ANK2: variants seen among roughly 807,000 people sequenced by gnomAD.
ANK2 encodes ankyrin 2, also known as ankyrin-2.
ANK2 carries 83 observed loss-of-function variants against 360.5 expected under a neutral mutation model. The observed-to-expected ratio is 0.23, with a 90% CI of 0.19 to 0.28. ANK2 has a LOEUF of 0.28. Among genes scored for constraint, ANK2 ranks in the 10% least tolerant of loss-of-function variants. The pLI, the probability that ANK2 is intolerant of heterozygous loss-of-function variation, is 1.00. For missense variants in ANK2, 4,201 were observed against 4,795.7 expected (o/e 0.88, Z 3.66); for synonymous variants, 1,740 against 1,759.5 (o/e 0.99, Z 0.28).
intron 2 of ANK2, among the ~76,000 whole-genome samples, chr4:113,189,309 CCA>C (rs2098608616): frequency 6.6e-6 from 1 of 152,144 alleles, no homozygotes; most frequent in African/African-American, 2.4e-5. Context: ...CTCTCTCTTC[CCA>C]CAGAGTCCAG....
At chr4:113,122,836 A>ATCAT (rs1312652829) in intron 1 of ANK2, among the ~76,000 whole-genome samples, 1 of 151,902 alleles carries the variant, frequency 6.6e-6, no homozygotes, top group Non-Finnish European at 1.5e-5. Flanking sequence ...CTTGGCTAGA[A>ATCAT]TCATTATCTT....
upstream of ANK2, among the ~76,000 whole-genome samples, chr4:112,816,234 G>T (rs2149483954): frequency 1.3e-5 from 2 of 152,246 alleles, no homozygotes. Flanking sequence ...CCACATATCT[G>T]GTGTCAGAGA....
At chr4:112,901,565 C>T (rs1561018748) in intron 1 of ANK2, among the ~76,000 whole-genome samples, 1 of 152,032 alleles carries the variant, frequency 6.6e-6, no homozygotes, top group Non-Finnish European at 1.5e-5. Flanking sequence ...AAAATCCCTG[C>T]CTTAAAAGAA....
chr4:113,289,468 A>T (rs566914672), intron 20 of ANK2, among the ~76,000 whole-genome samples: 1 of 152,078 alleles, frequency 6.6e-6, no homozygotes, highest in Admixed American at 6.5e-5. Flanking sequence ...ACCTTGGCCA[A>T]CCAAAGTGCT....
At chr4:112,937,031 A>G (rs1485747289) in intron 2 of ANK2, among the ~76,000 whole-genome samples, 3 of 152,144 alleles carry the variant, frequency 2.0e-5, no homozygotes. Flanking sequence ...AACTCAAGCA[A>G]TCCTCCCGCC....
intron 1 of ANK2, among the ~76,000 whole-genome samples, chr4:112,834,160 A>G (rs1288758315): frequency 1.3e-5 from 2 of 152,236 alleles, no homozygotes; most frequent in Non-Finnish European, 2.9e-5. Flanking sequence ...ACCCCCAGGT[A>G]GCCATTACCC....
intron 4 of ANK2, among the ~76,000 whole-genome samples, chr4:113,218,056 C>T (rs912691466): frequency 6.6e-6 from 1 of 152,164 alleles, no homozygotes; most frequent in African/African-American, 2.4e-5. Context: ...GATAAAAACC[C>T]ACACTTAGTA....
intron 1 of ANK2, among the ~76,000 whole-genome samples, chr4:113,148,295 T>C (rs2096909192): frequency 1.3e-5 from 2 of 152,228 alleles, no homozygotes; most frequent in South Asian, 2.1e-4. Flanking sequence ...TGTATTTCTA[T>C]TGTGGTTTCC....
At position 113,360,844 on chromosome 4, in the gene ANK2, G is replaced by A. The variant is rs142612379; in HGVS notation, c.10703G>A (p.Arg3568Gln). ...CCAGATCCACAGGATGAGCAGGAAC[G>A]GATCGAGGAAAGGCTGGCTTATATT... ...HAEDPQDEQERIEERLAYIAD... is the reference protein window; with the variant it reads ...HAEDPQDEQEQIEERLAYIAD... The change falls in exon 39 of 46, where the codon CGG becomes CAG. Residue 3568 changes from arginine (R) to glutamine (Q), a missense_variant. Around this residue, in one of 4 missense-constraint regions of ANK2, gnomAD observed 2,642 missense variants for 2,714.5 expected, o/e 0.97. Transcript: ENST00000357077. 5.1e-5 allele frequency: 83 copies of A among 1,612,740 alleles called. No homozygotes were observed. The highest frequency in any genetic ancestry group is 4.4e-4 in the African/African-American group (33 of 74,950).
intron 1 of ANK2, among the ~76,000 whole-genome samples, chr4:112,872,975 T>C (rs2073778715): frequency 6.6e-6 from 1 of 152,170 alleles, no homozygotes; most frequent in East Asian, 1.9e-4. Context: ...AATTTTTCTA[T>C]TTAATCTGAG....
At chr4:113,174,333 A>C in intron 1 of ANK2, 83 bp from the exon 2 acceptor site, 1 of 1,153,306 alleles carries the variant, frequency 8.7e-7, no homozygotes, top group Admixed American at 2.0e-5. Context: ...TTCTGACTTC[A>C]GTGTAAACAT....
chr4:112,957,782 C>T (rs1345634888), intron 2 of ANK2, among the ~76,000 whole-genome samples: 4 of 150,370 alleles, frequency 2.7e-5, no homozygotes, highest in Non-Finnish European at 5.9e-5. Context: ...GGCGGAGGGG[C>T]TCCTCACTTC....
At chr4:112,754,139 AT>A in the ANK2 span, among the ~76,000 whole-genome samples, 7 of 142,848 alleles carry the variant, frequency 4.9e-5, no homozygotes, top group Admixed American at 7.0e-5. Flanking sequence ...ATATATATAT[AT>A]ATATATATAA....
chr4:112,795,011 G>A, the ANK2 span, among the ~76,000 whole-genome samples: 6 of 152,186 alleles, frequency 3.9e-5, no homozygotes, highest in African/African-American at 1.4e-4. Context: ...AGCAACAATA[G>A]CAGTATCTGG....
chr4:112,872,126 A>G (rs1304420111), intron 1 of ANK2, among the ~76,000 whole-genome samples: 1 of 151,528 alleles, frequency 6.6e-6, no homozygotes, highest in Non-Finnish European at 1.5e-5. Context: ...TCCCGGGCTC[A>G]AGGGATCCTC....
At chr4:113,306,285 T>C (rs1388286094) in intron 23 of ANK2, among the ~76,000 whole-genome samples, 1 of 152,142 alleles carries the variant, frequency 6.6e-6, no homozygotes, top group African/African-American at 2.4e-5. Context: ...AGATGAGAGA[T>C]TAATAACAGG....
chr4:112,780,505 G>C, the ANK2 span, among the ~76,000 whole-genome samples: 1,156 of 152,188 alleles, frequency 7.6e-3, 10 homozygotes, highest in African/African-American at 0.027. Context: ...TAGAATATAG[G>C]TAACTCTGTA....
chr4:113,207,686 CAAAAAAA>C lies in ANK2; in HGVS notation c.384+8591_384+8597del, dbSNP rs34818513. ...ATCCTTTGAGGCAAGGATCACAAAG[CAAAAAAA>C]AAAAAAAAAAAAAGAAGAAGTAAAA... On this transcript the variant is annotated intron_variant, in intron 4 of 45. Coordinates refer to ENST00000357077, the MANE Select transcript of ANK2 (RefSeq NM_001148.6). Among the ~76,000 whole-genome samples, 13 of 101,652 alleles carry C rather than the reference CAAAAAAA, an allele frequency of 1.3e-4. No individual in the cohort carries two copies. In the South Asian group the frequency reaches 1.4e-3, roughly 11 times the overall value. The allele number at this position is 101,652 out of a possible 152,430, so 66.7% of individuals were successfully genotyped here.
At position 112,824,235 on chromosome 4, in the gene ANK2, G is replaced by A. The variant is rs188754677; in HGVS notation, c.-40+5971G>A. Among the ~76,000 whole-genome samples the A allele has an allele frequency of 6.0e-5, 9 of 150,222 alleles. No homozygotes were observed. In the East Asian group the frequency reaches 1.6e-3, roughly 26 times the overall value. The stretch of plus-strand genomic sequence containing the variant: ...TGTTCTGTCACCCAGGCTGGAGGGC[G>A]GTGGTGTGATCATAGCTTACTGCAG... On this transcript the variant is annotated intron_variant, in intron 1 of 30. Transcript: ENST00000503271.
Sources: gnomAD v4.1 joint callset for allele counts (sites outside exome capture counted in the v4.1 genomes callset) on GRCh38, gnomAD v4.1.1 for gene constraint, gnomAD v4.1.1 regional missense constraint, MANE v1.5 for transcripts, NCBI Gene and HGNC (gene_info 2026-07-23, HGNC 2026-07-21) for gene names.